Variants in LAMA2 observed in about 807,000 individuals in gnomAD.
The protein encoded by LAMA2 is laminin subunit alpha-2.
In LAMA2, 269 loss-of-function variants were observed where a neutral mutation model predicts 364.8. That is an observed-to-expected ratio of 0.74 (90% CI 0.67 to 0.82). The LOEUF (loss-of-function observed/expected upper bound fraction) is 0.82. LAMA2 is among the 40% of genes least tolerant of loss of function. LAMA2 has a pLI of 0.00. For synonymous variants in LAMA2, 1,379 were observed against 1,370.6 expected, an observed-to-expected ratio of 1.01 and a Z score of -0.14; for missense variants, 3,807 against 3,873.2, an observed-to-expected ratio of 0.98 and a Z score of 0.45.
chr6:129,037,817 T>C lies in LAMA2; in HGVS notation c.113-12101T>C, dbSNP rs549331029. Among the ~76,000 whole-genome samples the C allele has an allele frequency of 3.5e-3, 535 of 152,132 alleles. 1 individual carries two copies. Among genetic ancestry groups the C allele is most frequent in the African/African-American group, 8.3e-3 (345 of 41,516 alleles). ...CCCGAGTAGCTGCAACTACAGGTGC[T>C]TGCCACCACACCTGGCTAATTTTTT... On this transcript the variant is annotated intron_variant, in intron 1 of 64. Coordinates refer to ENST00000421865, the MANE Select transcript of LAMA2 (RefSeq NM_000426.4).
At chr6:128,943,968 G>A (rs1368633924) in intron 1 of LAMA2, among the ~76,000 whole-genome samples, 7 of 152,286 alleles carry the variant, frequency 4.6e-5, no homozygotes, top group Middle Eastern at 3.4e-3. Context: ...AGAGTGATAC[G>A]TCTGTTATGA....
In LAMA2 at chr6:128,957,357, G is replaced by A. The variant is rs1004656395; in HGVS notation, c.112+74000G>A. 5.3e-5 allele frequency among the ~76,000 whole-genome samples: 8 copies of A among 152,114 alleles called. No homozygotes were observed. In the East Asian group the frequency reaches 5.8e-4, roughly 11 times the overall value. On this transcript the variant is annotated intron_variant, in intron 1 of 64. Coordinates refer to ENST00000421865, the MANE Select transcript of LAMA2 (RefSeq NM_000426.4). ...ACCATAGACTGTAAGGGATTATTTC[G>A]AGTAGTCAGTTGGGGTTTGATATGG...
At chr6:129,455,657 G>T (rs1276154092) in intron 47 of LAMA2, among the ~76,000 whole-genome samples, 1 of 151,986 alleles carries the variant, frequency 6.6e-6, no homozygotes, top group Non-Finnish European at 1.5e-5. Context: ...ACTTAAAAAA[G>T]AAAATGAAAT....
chr6:129,080,339 C>G (rs1439826427), intron 3 of LAMA2, among the ~76,000 whole-genome samples: 1 of 152,142 alleles, frequency 6.6e-6, no homozygotes, highest in East Asian at 1.9e-4. Flanking sequence ...TAACTAAAAG[C>G]ATCAGGGCTT....
chr6:128,986,184 G>A (rs371792471), intron 1 of LAMA2, among the ~76,000 whole-genome samples: 155 of 152,250 alleles, frequency 1.0e-3, no homozygotes, highest in Non-Finnish European at 1.7e-3. Flanking sequence ...TGGTTGGTAA[G>A]AGTGTCTTCA....
At chr6:129,205,304 A>T (rs954881945) in intron 12 of LAMA2, among the ~76,000 whole-genome samples, 1 of 151,710 alleles carries the variant, frequency 6.6e-6, no homozygotes, top group African/African-American at 2.4e-5. Context: ...AGGCAGGAGA[A>T]TCGCTTGAAT....
intron 3 of LAMA2, among the ~76,000 whole-genome samples, chr6:129,082,303 C>A (rs1276854035): frequency 3.3e-5 from 5 of 152,024 alleles, no homozygotes; most frequent in Non-Finnish European, 7.4e-5. Flanking sequence ...TGCAACATTA[C>A]TTTCTTAATT....
chr6:128,943,269 C>CAGAGAGAGAGAGAGAG (rs6149801), intron 1 of LAMA2, among the ~76,000 whole-genome samples: 2 of 143,082 alleles, frequency 1.4e-5, no homozygotes, highest in African/African-American at 5.2e-5. Context: ...TATATATACA[C>CAGAGAGAGAGAGAGAG]AGAGAGAGAG....
intron 1 of LAMA2, among the ~76,000 whole-genome samples, chr6:128,909,154 G>A (rs1198183537): frequency 7.3e-5 from 11 of 151,702 alleles, no homozygotes; most frequent in East Asian, 1.9e-4. Flanking sequence ...TATCAGGTCC[G>A]CTTGGTGCAG....
chr6:129,284,766 C>T (rs1249528103), intron 18 of LAMA2, among the ~76,000 whole-genome samples: 4 of 152,086 alleles, frequency 2.6e-5, no homozygotes, highest in Admixed American at 2.0e-4. Context: ...CTCTCTTCCT[C>T]TCTCCCTCCC....
At chr6:128,962,191 C>CACACACACAT (rs1781578397) in intron 1 of LAMA2, among the ~76,000 whole-genome samples, 1 of 111,050 alleles carries the variant, frequency 9.0e-6, no homozygotes. Context: ...TATATACACA[C>CACACACACAT]ATACACACAC....
chr6:129,252,486 T>C (rs1201185646), intron 14 of LAMA2, among the ~76,000 whole-genome samples, 191 bp downstream of exon 14: 2 of 152,182 alleles, frequency 1.3e-5, no homozygotes, highest in Admixed American at 6.5e-5. Flanking sequence ...CAGAATAAAT[T>C]TGTCTCGGTT....
At chr6:129,331,805 A>G (rs990856897) in intron 29 of LAMA2, among the ~76,000 whole-genome samples, 4 of 152,112 alleles carry the variant, frequency 2.6e-5, no homozygotes, top group African/African-American at 7.2e-5. Flanking sequence ...TACTAAAAAC[A>G]GGCTATCACC....
chr6:129,275,155 A>T lies in LAMA2; in HGVS notation c.2450+4404A>T, dbSNP rs906374885. 9.2e-5 allele frequency among the ~76,000 whole-genome samples: 14 copies of T among 152,008 alleles called. No individual in the cohort carries two copies. In the South Asian group the frequency reaches 1.2e-3, roughly 13 times the overall value. On this transcript the variant is annotated intron_variant, in intron 17 of 64. Transcript: ENST00000421865. ...TTGAATGCACGTTGTTAAAATTAAT[A>T]TAGAGAAATGTATTCCAAGACAATA...
chr6:128,976,105 T>A (rs4367397), intron 1 of LAMA2, among the ~76,000 whole-genome samples: 91,507 of 151,608 alleles, frequency 0.6, 31,002 homozygotes, highest in East Asian at 0.81. Context: ...TGAACTAAGA[T>A]GGTGGCAGTG....
chr6:129,445,811 A>G lies in LAMA2; in HGVS notation c.6419A>G (p.Gln2140Arg). ...IKELINQARK[Q>R]ANSIKVSVSS... ...GAATTGATAAACCAAGCTCGGAAAC[A>G]AGCCAATTCTGTAAGTTCTTTTTAT... Residue 2140 changes from glutamine (Q) to arginine (R), a missense_variant, in exon 45 of 65, where the codon CAA becomes CGA. Gln to Arg is a conservative substitution (Grantham distance 43). Coordinates refer to ENST00000421865, the MANE Select transcript of LAMA2 (RefSeq NM_000426.4). 6.2e-7 allele frequency: 1 copy of G among 1,613,422 alleles called. No individual in the cohort carries two copies. Among genetic ancestry groups the G allele is most frequent in the Non-Finnish European group, 8.5e-7 (1 of 1,179,450 alleles).
intron 18 of LAMA2, among the ~76,000 whole-genome samples, chr6:129,284,855 A>G (rs1298156779): frequency 1.3e-5 from 2 of 152,164 alleles, no homozygotes; most frequent in East Asian, 3.9e-4. Flanking sequence ...AGTCTTATTT[A>G]CATTTAAACG....
Position 129,017,075 on chromosome 6 carries a change from C to T in LAMA2, c.113-32843C>T, listed in dbSNP as rs188331416. Among the ~76,000 whole-genome samples, 22 of 151,856 alleles carry T rather than the reference C, an allele frequency of 1.4e-4. No homozygotes were observed. In the East Asian group the frequency reaches 2.7e-3, roughly 19 times the overall value. The stretch of plus-strand genomic sequence containing the variant: ...AACAACTACATCTAGACTTCTGCAT[C>T]GCAAACCAGAACTACATTTAAATGC... On this transcript the variant is annotated intron_variant, in intron 1 of 64. Transcript: ENST00000421865.
chr6:128,985,674 A>G (rs1421382297), intron 1 of LAMA2, among the ~76,000 whole-genome samples: 1 of 152,152 alleles, frequency 6.6e-6, no homozygotes, highest in Non-Finnish European at 1.5e-5. Context: ...TCACCCATCA[A>G]CTAATTTTTT....
Sources: gnomAD v4.1 joint callset for allele counts (sites outside exome capture counted in the v4.1 genomes callset) on GRCh38, gnomAD v4.1.1 for gene constraint, MANE v1.5 for transcripts, NCBI Gene and HGNC (gene_info 2026-07-23, HGNC 2026-07-21) for gene names.